The following LHFPL2 variants were observed in gnomAD, a reference collection of about 807,000 sequenced individuals.
The protein encoded by LHFPL2 is LHFPL tetraspan subfamily member 2.
Under a neutral mutation model 17.5 loss-of-function variants are expected in LHFPL2, and 7 were observed. The ratio of observed to expected loss-of-function variants is 0.40; its 90% CI spans 0.23 to 0.75. The LOEUF (loss-of-function observed/expected upper bound fraction) is 0.75, where lower values mean the gene tolerates loss of function less well. Ranked by LOEUF, LHFPL2 falls within the 30% of genes least tolerant of loss-of-function variation. The pLI is 0.37. For missense variants in LHFPL2, 241 were observed against 294.8 expected (o/e 0.82, Z 1.34); for synonymous variants, 134 against 116.2 (o/e 1.15, Z -0.99).
intron 2 of LHFPL2, among the ~76,000 whole-genome samples, chr5:78,604,084 T>C (rs1265087408): frequency 2.0e-5 from 3 of 152,204 alleles, no homozygotes; most frequent in African/African-American, 4.8e-5. Flanking sequence ...TTAGTGCAGA[T>C]ACATGGAATG....
chr5:78,646,846 A>C (rs1745900647), intron 1 of LHFPL2, among the ~76,000 whole-genome samples: 1 of 152,142 alleles, frequency 6.6e-6, no homozygotes, highest in Non-Finnish European at 1.5e-5. Flanking sequence ...TAGACAAATG[A>C]CTGGTTCACA....
rs533096996 is a variant in LHFPL2 at position 78,542,441 on chromosome 5, G to T, written c.-186+22372C>A. Among the ~76,000 whole-genome samples the T allele has an allele frequency of 2.4e-4, 36 of 152,264 alleles. No homozygotes were observed. In the South Asian group the frequency reaches 2.9e-3, roughly 12 times the overall value. On this transcript the variant is annotated intron_variant, in intron 3 of 4. Coordinates refer to ENST00000380345, the MANE Select transcript of LHFPL2 (RefSeq NM_005779.3). ...GGGACTTCCAGGAATCACCCTAGTG[G>T]GCTTCTCCAGCTCTGCTGCTCTGCT...
intron 1 of LHFPL2, among the ~76,000 whole-genome samples, chr5:78,635,430 A>G (rs922999734): frequency 6.6e-6 from 1 of 152,182 alleles, no homozygotes; most frequent in Admixed American, 6.5e-5. Context: ...GGCCAAGCTC[A>G]CCTGCTAAGC....
chr5:78,547,139 A>G (rs942014164), intron 3 of LHFPL2, among the ~76,000 whole-genome samples: 4 of 152,174 alleles, frequency 2.6e-5, no homozygotes, highest in African/African-American at 9.7e-5. Flanking sequence ...GCGCTGATCT[A>G]AACCATCCTT....
chr5:78,638,898 A>C (rs1454688636), intron 1 of LHFPL2, among the ~76,000 whole-genome samples: 4 of 152,258 alleles, frequency 2.6e-5, no homozygotes, highest in African/African-American at 7.2e-5. Flanking sequence ...CTCATGATCA[A>C]GGTTTCAAAA....
intron 2 of LHFPL2, among the ~76,000 whole-genome samples, chr5:78,579,137 G>T (rs1342575102): frequency 6.6e-6 from 1 of 152,124 alleles, no homozygotes; most frequent in East Asian, 1.9e-4. Flanking sequence ...TTGTCCTTAA[G>T]CAAAGCAAAA....
chr5:78,634,705 C>G (rs1225941854), intron 1 of LHFPL2, among the ~76,000 whole-genome samples: 2 of 152,200 alleles, frequency 1.3e-5, no homozygotes, highest in African/African-American at 4.8e-5. Context: ...ATCCCCTCAC[C>G]CTTTCCAATC....
intron 3 of LHFPL2, among the ~76,000 whole-genome samples, chr5:78,542,042 G>A (rs1310216890): frequency 6.6e-6 from 1 of 151,888 alleles, no homozygotes; most frequent in Non-Finnish European, 1.5e-5. Context: ...TGCAACTGTA[G>A]AATCCTTAAA....
intron 4 of LHFPL2, among the ~76,000 whole-genome samples, chr5:78,499,718 G>A: frequency 6.6e-6 from 1 of 152,238 alleles, no homozygotes; most frequent in South Asian, 2.1e-4. Context: ...GAGAGTGGAA[G>A]ACTGCACCAA....
At chr5:78,583,125 C>T (rs1439281252) in intron 2 of LHFPL2, among the ~76,000 whole-genome samples, 11 of 151,102 alleles carry the variant, frequency 7.3e-5, no homozygotes, top group African/African-American at 2.4e-4. Flanking sequence ...TTTTGTTTTC[C>T]ATTTGCTTGG....
intron 3 of LHFPL2, among the ~76,000 whole-genome samples, chr5:78,527,749 G>A (rs1755663067): frequency 6.6e-6 from 1 of 152,216 alleles, no homozygotes; most frequent in African/African-American, 2.4e-5. Context: ...CCCAGCAAAA[G>A]ACAGACTAAA....
chr5:78,644,655 C>G, intron 1 of LHFPL2: 1 of 323,514 alleles, frequency 3.1e-6, no homozygotes, highest in East Asian at 8.1e-5. Flanking sequence ...TCTTGTCCAT[C>G]TTTGACATGT....
At chr5:78,586,389 T>C (rs1451287348) in intron 2 of LHFPL2, among the ~76,000 whole-genome samples, 1 of 152,192 alleles carries the variant, frequency 6.6e-6, no homozygotes, top group East Asian at 1.9e-4. Flanking sequence ...AGGAATGCTA[T>C]CCCATCTGGC....
At chr5:78,539,070 A>T (rs566941428) in intron 3 of LHFPL2, among the ~76,000 whole-genome samples, 1 of 152,194 alleles carries the variant, frequency 6.6e-6, no homozygotes, top group African/African-American at 2.4e-5. Context: ...AAATGGTATT[A>T]AGAGGTGTGG....
At chr5:78,544,349 C>A (rs1228512029) in intron 3 of LHFPL2, among the ~76,000 whole-genome samples, 1 of 152,188 alleles carries the variant, frequency 6.6e-6, no homozygotes, top group African/African-American at 2.4e-5. Context: ...GAGGGTAAAG[C>A]AGAGCTCAGG....
intron 3 of LHFPL2, among the ~76,000 whole-genome samples, chr5:78,551,143 A>C (rs536944983): frequency 6.6e-6 from 1 of 152,224 alleles, no homozygotes; most frequent in East Asian, 1.9e-4. Context: ...TGGAAGCCTA[A>C]CTGCAATTTC....
intron 2 of LHFPL2, among the ~76,000 whole-genome samples, chr5:78,589,131 G>A (rs1393592666): frequency 6.6e-6 from 1 of 152,090 alleles, no homozygotes; most frequent in Non-Finnish European, 1.5e-5. Context: ...GCATCCAGTT[G>A]CCATTGAGAT....
intron 3 of LHFPL2, among the ~76,000 whole-genome samples, chr5:78,520,965 C>A (rs547133538): frequency 1.3e-5 from 2 of 152,262 alleles, no homozygotes; most frequent in East Asian, 3.9e-4. Context: ...GAATCACGAA[C>A]AATTTGATAG....
chr5:78,618,596 G>A (rs1178174788), intron 2 of LHFPL2, among the ~76,000 whole-genome samples: 1 of 152,212 alleles, frequency 6.6e-6, no homozygotes, highest in African/African-American at 2.4e-5. Flanking sequence ...CTCAGGGCTT[G>A]AAGAGCAGTG....
Sources: allele counts gnomAD v4.1 joint callset (sites outside exome capture counted in the v4.1 genomes callset), GRCh38; gene constraint gnomAD v4.1.1; transcripts MANE v1.5; gene names NCBI Gene and HGNC (gene_info 2026-07-23, HGNC 2026-07-21).